UXS1: variants seen among roughly 807,000 people sequenced by gnomAD.
The protein encoded by UXS1 is UDP-glucuronate decarboxylase 1.
UXS1 carries 33 observed loss-of-function variants against 62.6 expected under a neutral mutation model. The observed-to-expected ratio is 0.53, with a 90% CI of 0.40 to 0.70. The LOEUF (loss-of-function observed/expected upper bound fraction) is 0.70. UXS1 is among the 30% of genes least tolerant of loss of function. The probability of loss-of-function intolerance (pLI) is 0.00; values close to 1 mark genes in which losing one functional copy is unlikely to be tolerated. For synonymous variants in UXS1, 213 were observed against 206.8 expected (o/e 1.03, Z -0.26); for missense variants, 434 against 556.3 (o/e 0.78, Z 2.21).
intron 9 of UXS1, among the ~76,000 whole-genome samples, chr2:106,114,568 G>A (rs1206614705): frequency 6.6e-6 from 1 of 152,162 alleles, no homozygotes; most frequent in African/African-American, 2.4e-5. Context: ...GCCTGGCAGG[G>A]GAAAAGCTCA....
intron 6 of UXS1, chr2:106,138,571 G>C: frequency 1.0e-6 from 1 of 985,466 alleles, no homozygotes; most frequent in Non-Finnish European, 1.2e-6. Context: ...AGGCCAGTTT[G>C]GGAACAGGGC....
chr2:106,096,183 GGTGT>G lies in UXS1; in HGVS notation c.1146+531_1146+534del, dbSNP rs61524060. On this transcript the variant is annotated intron_variant, in intron 14 of 14. Coordinates refer to ENST00000283148, the MANE Select transcript of UXS1 (RefSeq NM_001253875.2). ...CCTTGGCACAGCGTTCACAGTCAGG[GGTGT>G]GTGTGTGTGTGTGTGTGTATGTATG... Among the ~76,000 whole-genome samples the G allele has an allele frequency of 3.0e-3, 453 of 151,750 alleles. 1 individual carries two copies. The highest frequency in any genetic ancestry group is 9.5e-3 in the African/African-American group (392 of 41,456).
chr2:106,151,171 G>A (rs142874328), intron 5 of UXS1, among the ~76,000 whole-genome samples: 1 of 152,212 alleles, frequency 6.6e-6, no homozygotes, highest in African/African-American at 2.4e-5. Context: ...TTTCCCAAAT[G>A]ATGTTTAGAT....
At chr2:106,168,605 T>C (rs1258170339) in intron 1 of UXS1, among the ~76,000 whole-genome samples, 1 of 152,220 alleles carries the variant, frequency 6.6e-6, no homozygotes, top group Non-Finnish European at 1.5e-5. Context: ...CTTTGAACCA[T>C]GTGATTTTGC....
chr2:106,129,619 A>C, intron 7 of UXS1, 55 bp downstream of exon 7: 1 of 1,371,202 alleles, frequency 7.3e-7, no homozygotes, highest in Non-Finnish European at 1.0e-6. Context: ...CTATGCTTGT[A>C]ATCATCTAAA....
intron 11 of UXS1, among the ~76,000 whole-genome samples, chr2:106,104,472 T>G (rs908478357): frequency 6.6e-6 from 1 of 152,230 alleles, no homozygotes; most frequent in East Asian, 1.9e-4. Context: ...GTCTGCTGGA[T>G]GCAAAAGGCC....
At chr2:106,170,888 T>C (rs1683511794) in intron 1 of UXS1, among the ~76,000 whole-genome samples, 1 of 152,254 alleles carries the variant, frequency 6.6e-6, no homozygotes, top group South Asian at 2.1e-4. Context: ...TTACGGTGCT[T>C]CAAACAGATA....
chr2:106,157,958 T>C lies in UXS1; in HGVS notation c.291+100A>G, dbSNP rs529447591. Reference sequence around the variant, plus strand: ...GGACATACTATAAGCCACTGAATCGTATCTTTGAGAAGCGTGAATTCTATG... The same window carrying C: ...GGACATACTATAAGCCACTGAATCGCATCTTTGAGAAGCGTGAATTCTATG... On this transcript the variant is annotated intron_variant, in intron 5 of 14. Transcript: ENST00000283148. The C allele has an allele frequency of 2.4e-4, 251 of 1,065,860 alleles. No homozygotes were observed. In the African/African-American group the frequency reaches 3.8e-3, roughly 16 times the overall value. 66.0% of individuals were successfully genotyped at this position (1,065,860 alleles called of 1,614,324 possible). A position where few individuals can be genotyped will look rare whatever the true frequency, so the allele number is the denominator to read the frequency against.
intron 5 of UXS1, among the ~76,000 whole-genome samples, chr2:106,152,178 A>G (rs1682071959): frequency 1.3e-5 from 2 of 152,236 alleles, no homozygotes; most frequent in Non-Finnish European, 2.9e-5. Context: ...AAATGAAGTA[A>G]CATGTATTCA....
At chr2:106,147,940 T>C (rs541422770) in intron 5 of UXS1, among the ~76,000 whole-genome samples, 3 of 152,324 alleles carry the variant, frequency 2.0e-5, no homozygotes, top group African/African-American at 7.2e-5. Flanking sequence ...GAAATGCAAA[T>C]CAAATGGTTA....
chr2:106,097,065 G>C (rs1195452525), intron 13 of UXS1: 1 of 630,236 alleles, frequency 1.6e-6, no homozygotes, highest in East Asian at 3.3e-5. Flanking sequence ...AGCTCGGTGG[G>C]GGGCAGGTTA....
At chr2:106,181,333 A>G (rs1203953109) in intron 1 of UXS1, among the ~76,000 whole-genome samples, 1 of 152,198 alleles carries the variant, frequency 6.6e-6, no homozygotes, top group African/African-American at 2.4e-5. Context: ...CTCCCGGCAC[A>G]TGCTCCCTTC....
intron 6 of UXS1, among the ~76,000 whole-genome samples, chr2:106,140,763 A>C (rs1026728626): frequency 1.3e-5 from 2 of 152,212 alleles, no homozygotes; most frequent in African/African-American, 4.8e-5. Context: ...AGTGTTAGCT[A>C]TGGTCACTTT....
At chr2:106,187,385 C>T (rs62144043) in intron 1 of UXS1, among the ~76,000 whole-genome samples, 1 of 152,120 alleles carries the variant, frequency 6.6e-6, no homozygotes, top group East Asian at 1.9e-4. Context: ...GGTCCTCTGG[C>T]GTCACAGTGA....
intron 4 of UXS1, chr2:106,160,460 G>A (rs146320683): frequency 6.6e-6 from 1 of 152,286 alleles, no homozygotes; most frequent in East Asian, 1.9e-4. Context: ...TCTCTACCGT[G>A]TATATGATTT....
intron 4 of UXS1, among the ~76,000 whole-genome samples, chr2:106,161,170 T>TG (rs2105051070): frequency 6.6e-6 from 1 of 150,586 alleles, no homozygotes; most frequent in East Asian, 1.9e-4. Context: ...GACTCAGGGC[T>TG]GGGCAGGAGC....
chr2:106,102,595 T>C (rs920091982), intron 11 of UXS1: 21 of 152,166 alleles, frequency 1.4e-4, no homozygotes, highest in Admixed American at 1.3e-4. Context: ...GCCATGAGAA[T>C]ATTAAACAGA....
At chr2:106,157,376 C>T (rs1405714361) in intron 5 of UXS1, among the ~76,000 whole-genome samples, 2 of 152,118 alleles carry the variant, frequency 1.3e-5, no homozygotes, top group Non-Finnish European at 2.9e-5. Flanking sequence ...TTAACAAGAG[C>T]ACTATTAGCC....
chr2:106,109,683 A>AATAT (rs1678418832), intron 10 of UXS1, among the ~76,000 whole-genome samples: 1 of 152,174 alleles, frequency 6.6e-6, no homozygotes. Flanking sequence ...TTCCACTTAA[A>AATAT]ATATAGCTTT....
Sources: allele counts gnomAD v4.1 joint callset (sites outside exome capture counted in the v4.1 genomes callset), GRCh38; gene constraint gnomAD v4.1.1; transcripts MANE v1.5; gene names NCBI Gene and HGNC (gene_info 2026-07-23, HGNC 2026-07-21).